The following SPATS2 variants were observed in gnomAD, a reference collection of about 807,000 sequenced individuals.
SPATS2 encodes the protein spermatogenesis-associated serine-rich protein 2.
SPATS2 carries 38 observed loss-of-function variants against 63.7 expected under a neutral mutation model. The observed-to-expected ratio is 0.60, with a 90% confidence interval of 0.46 to 0.78. SPATS2 has a LOEUF of 0.78. Among genes scored for constraint, SPATS2 ranks in the 30% least tolerant of loss-of-function variants. SPATS2 has a pLI of 0.00. For synonymous variants in SPATS2, 207 were observed against 232.9 expected (o/e 0.89, Z 1.01); for missense variants, 588 against 666.2 (o/e 0.88, Z 1.29).
At chr12:49,387,718 A>G (rs1372814595) in intron 2 of SPATS2, among the ~76,000 whole-genome samples, 2 of 151,104 alleles carry the variant, frequency 1.3e-5, no homozygotes, top group East Asian at 3.9e-4. Context: ...GATGGACAGC[A>G]TAAGCAGAGA....
At chr12:49,385,356 A>AAG (rs1555178218) in intron 2 of SPATS2, among the ~76,000 whole-genome samples, 1 of 84,136 alleles carries the variant, frequency 1.2e-5, no homozygotes, top group East Asian at 4.4e-4. Context: ...GTAAGTATAT[A>AAG]AGTGTGTGTG....
chr12:49,498,779 A>G (rs1357172691), intron 8 of SPATS2, among the ~76,000 whole-genome samples: 1 of 148,614 alleles, frequency 6.7e-6, no homozygotes, highest in Non-Finnish European at 1.5e-5. Flanking sequence ...CTTCTTGAAC[A>G]TATGGTATCT....
intron 2 of SPATS2, among the ~76,000 whole-genome samples, chr12:49,372,079 T>C (rs1469703534): frequency 6.6e-6 from 1 of 152,096 alleles, no homozygotes; most frequent in Non-Finnish European, 1.5e-5. Context: ...ACAGTCTTGT[T>C]CTGTCGCCCA....
Position 49,519,099 on chromosome 12 carries a change from A to G in SPATS2, c.925A>G (p.Lys309Glu). The change falls in exon 11 of 14, where the codon AAG (lysine) becomes GAG (glutamate). Residue 309 changes from lysine to glutamate, a missense_variant. Physicochemically the swap from Lys to Glu is moderately conservative, Grantham distance 56. Coordinates refer to ENST00000552918, the MANE Select transcript of SPATS2 (RefSeq NM_023071.4). ...GGAAATTTTGCTCAGCCGACAAAAGAAGGCTGAACTTCTAAAGAAGATGAC... is the reference window on the plus strand; with the variant it reads ...GGAAATTTTGCTCAGCCGACAAAAGGAGGCTGAACTTCTAAAGAAGATGAC... ...AMEILLSRQK[K>E]AELLKKMTHV... 6.2e-7 allele frequency: 1 copy of G among 1,613,996 alleles called. No homozygotes were observed. Among genetic ancestry groups the G allele is most frequent in the Non-Finnish European group, 8.5e-7 (1 of 1,179,936 alleles).
chr12:49,454,539 C>A (rs890350231), intron 2 of SPATS2, among the ~76,000 whole-genome samples: 2 of 152,058 alleles, frequency 1.3e-5, no homozygotes, highest in Non-Finnish European at 2.9e-5. Context: ...GTCTGCATAC[C>A]CTCTCACCAA....
chr12:49,429,052 CAT>C (rs1327766843), intron 2 of SPATS2, among the ~76,000 whole-genome samples: 1 of 152,160 alleles, frequency 6.6e-6, no homozygotes, highest in African/African-American at 2.4e-5. Context: ...AGGAGACAAA[CAT>C]GTATTCCAGC....
chr12:49,481,553 T>C (rs937142598), intron 3 of SPATS2, among the ~76,000 whole-genome samples: 5 of 144,672 alleles, frequency 3.5e-5, no homozygotes, highest in African/African-American at 1.0e-4. Context: ...CTGCAACCTC[T>C]GCCTCCCGGG....
rs550503628 is a variant in SPATS2, at chr12:49,524,645, A to G, written c.1112-37A>G. 12 of 1,593,046 alleles carry G rather than the reference A, an allele frequency of 7.5e-6. No homozygotes were observed. The East Asian group carries it at 8.9e-5, about 12-fold the overall frequency. ...GAAACCTTATCCATTGTGCTGTTCT[A>G]TCATATGATCATATATTCCTCATAT... On this transcript the variant is annotated intron_variant, in intron 12 of 13. Transcript: ENST00000552918.
Position 49,407,424 on chromosome 12 carries a change from C to T in SPATS2, c.-244+36134C>T, listed in dbSNP as rs1276866246. On this transcript the variant is annotated intron_variant, in intron 2 of 13. Coordinates refer to ENST00000552918, the MANE Select transcript of SPATS2 (RefSeq NM_023071.4). The stretch of plus-strand genomic sequence containing the variant: ...TTGTACAAAGTCTGGCTTCAGTTTA[C>T]TCCTCTGGCCTGATTTCCTATGACT... 2.6e-5 allele frequency among the ~76,000 whole-genome samples: 4 copies of T among 152,158 alleles called. No individual in the cohort carries two copies. In the East Asian group the frequency reaches 7.7e-4, roughly 29 times the overall value.
At chr12:49,447,626 T>TTG (rs1412257697) in intron 2 of SPATS2, among the ~76,000 whole-genome samples, 1 of 152,186 alleles carries the variant, frequency 6.6e-6, no homozygotes, top group African/African-American at 2.4e-5. Context: ...TTGTGCTTTT[T>TTG]TGTGTGTGTG....
At chr12:49,449,476 A>G (rs1227147194) in intron 2 of SPATS2, among the ~76,000 whole-genome samples, 2 of 152,154 alleles carry the variant, frequency 1.3e-5, no homozygotes, top group Admixed American at 1.3e-4. Flanking sequence ...AGCCTCCCAA[A>G]GTGCTGGGAT....
intron 8 of SPATS2, among the ~76,000 whole-genome samples, chr12:49,498,176 A>G (rs1439480073): frequency 1.4e-5 from 2 of 145,176 alleles, no homozygotes; most frequent in Non-Finnish European, 1.5e-5. Flanking sequence ...ATATGCGCAC[A>G]AGGCTTGAAA....
chr12:49,523,256 C>G (rs1469668766), intron 12 of SPATS2, among the ~76,000 whole-genome samples: 1 of 152,066 alleles, frequency 6.6e-6, no homozygotes, highest in East Asian at 1.9e-4. Context: ...CAGAGGATCA[C>G]TTTAGCCCAG....
At chr12:49,485,802 C>G (rs1946282156) in intron 4 of SPATS2, among the ~76,000 whole-genome samples, 1 of 149,380 alleles carries the variant, frequency 6.7e-6, no homozygotes, top group Admixed American at 6.7e-5. Context: ...CTCTGTCACC[C>G]AGGCTGGAGT....
At chr12:49,466,404 A>G (rs1945916876) in intron 3 of SPATS2, among the ~76,000 whole-genome samples, 1 of 152,018 alleles carries the variant, frequency 6.6e-6, no homozygotes, top group African/African-American at 2.4e-5. Context: ...CTCGTGATCC[A>G]CCTGCCTCAT....
chr12:49,388,470 C>T (rs1231285273), intron 2 of SPATS2, among the ~76,000 whole-genome samples: 1 of 151,802 alleles, frequency 6.6e-6, no homozygotes, highest in Non-Finnish European at 1.5e-5. Context: ...AACTCATGGG[C>T]TCAATATATC....
At chr12:49,517,322 C>T (rs1222256388) in intron 10 of SPATS2, among the ~76,000 whole-genome samples, 1 of 152,154 alleles carries the variant, frequency 6.6e-6, no homozygotes, top group Non-Finnish European at 1.5e-5. Flanking sequence ...CTAGGCAGCC[C>T]ATGTGTGCAT....
At chr12:49,480,194 C>T (rs561409009) in intron 3 of SPATS2, among the ~76,000 whole-genome samples, 1 of 152,344 alleles carries the variant, frequency 6.6e-6, no homozygotes, top group East Asian at 1.9e-4. Context: ...ACCCCCTCTA[C>T]ACTTGTCTCT....
intron 2 of SPATS2, among the ~76,000 whole-genome samples, chr12:49,399,958 C>T (rs1944576494): frequency 6.6e-6 from 1 of 152,168 alleles, no homozygotes; most frequent in Non-Finnish European, 1.5e-5. Flanking sequence ...ATGGCGTGAA[C>T]CCGGGAGGCG....
Sources: gnomAD v4.1 joint callset for allele counts (sites outside exome capture counted in the v4.1 genomes callset) on GRCh38, gnomAD v4.1.1 for gene constraint, MANE v1.5 for transcripts, NCBI Gene and HGNC (gene_info 2026-07-23, HGNC 2026-07-21) for gene names.